IGF1R: variants seen among roughly 807,000 people sequenced by gnomAD.
IGF1R encodes the protein insulin like growth factor 1 receptor.
In IGF1R, 44 loss-of-function variants were observed where a neutral mutation model predicts 144.6. The ratio of observed to expected loss-of-function variants is 0.30; its 90% CI spans 0.24 to 0.39. IGF1R has a LOEUF of 0.39. IGF1R is among the 10% of genes least tolerant of loss of function. The pLI is 1.00. For synonymous variants in IGF1R, 795 were observed against 722.8 expected (o/e 1.10, Z -1.60); for missense variants, 1,355 against 1,833.7 (o/e 0.74, Z 4.77).
intron 1 of IGF1R, among the ~76,000 whole-genome samples, chr15:98,672,546 A>G (rs2052920885): frequency 7.1e-6 from 1 of 140,768 alleles, no homozygotes; most frequent in Admixed American, 7.5e-5. Context: ...CTCCAGCCTG[A>G]GTGACAGAGC....
At chr15:98,812,640 G>C (rs564939619) in intron 2 of IGF1R, among the ~76,000 whole-genome samples, 2 of 152,234 alleles carry the variant, frequency 1.3e-5, no homozygotes, top group East Asian at 3.9e-4. Context: ...TTACAGGCGT[G>C]AACCACCGTG....
intron 3 of IGF1R, among the ~76,000 whole-genome samples, chr15:98,895,550 C>T (rs945957427): frequency 3.9e-5 from 6 of 152,128 alleles, no homozygotes; most frequent in African/African-American, 1.4e-4. Context: ...AGAGGAAGGA[C>T]TCTCCCCATC....
chr15:98,954,858 T>C (rs2016916892), intron 20 of IGF1R, among the ~76,000 whole-genome samples: 1 of 152,204 alleles, frequency 6.6e-6, no homozygotes, highest in African/African-American at 2.4e-5. Context: ...GCTGCCAGCT[T>C]TTATCAATGC....
intron 2 of IGF1R, among the ~76,000 whole-genome samples, chr15:98,827,004 A>C (rs2056906074): frequency 6.6e-6 from 1 of 152,184 alleles, no homozygotes; most frequent in Admixed American, 6.5e-5. Context: ...CCTTAGAAGC[A>C]AGCACAAGGA....
chr15:98,684,845 T>C (rs2053284586), intron 1 of IGF1R, among the ~76,000 whole-genome samples: 1 of 151,992 alleles, frequency 6.6e-6, no homozygotes, highest in South Asian at 2.1e-4. Context: ...TTCGTCTCCC[T>C]GAGCTTCAGA....
At chr15:98,784,233 C>T (rs1047871265) in intron 2 of IGF1R, among the ~76,000 whole-genome samples, 1 of 151,920 alleles carries the variant, frequency 6.6e-6, no homozygotes, top group Non-Finnish European at 1.5e-5. Flanking sequence ...CCGTGCCCGG[C>T]CCCTGAATCC....
chr15:98,660,947 G>A (rs953010695), intron 1 of IGF1R, among the ~76,000 whole-genome samples: 3 of 152,194 alleles, frequency 2.0e-5, no homozygotes, highest in East Asian at 1.9e-4. Flanking sequence ...GTGGCCTGGT[G>A]CAGAGGGCCA....
chr15:98,704,695 C>A lies in IGF1R; in HGVS notation c.95-2867C>A, dbSNP rs138175738. Among the ~76,000 whole-genome samples, 2 of 152,070 alleles carry A rather than the reference C, an allele frequency of 1.3e-5. No individual in the cohort carries two copies. Among genetic ancestry groups the A allele is most frequent in the East Asian group, 3.9e-4 (2 of 5,180 alleles). On this transcript the variant is annotated intron_variant, in intron 1 of 20. Coordinates refer to ENST00000650285, the MANE Select transcript of IGF1R (RefSeq NM_000875.5). This position sits in a 1 kb window ranked among gnomAD's most constrained non-coding sequence, Gnocchi z 4.9. ...TATAATTGTGAACCAACTGGAGCTGCGGTGAGAGAGACCATGAAAAGAAGG... is the reference window on the plus strand; with the variant it reads ...TATAATTGTGAACCAACTGGAGCTGAGGTGAGAGAGACCATGAAAAGAAGG...
chr15:98,746,382 A>G (rs1468143959), intron 2 of IGF1R, among the ~76,000 whole-genome samples: 1 of 152,170 alleles, frequency 6.6e-6, no homozygotes, highest in African/African-American at 2.4e-5. Context: ...AACTCTGTCT[A>G]GGTTGGTCTC....
At position 98,935,147 on chromosome 15, in the gene IGF1R, T is replaced by G; in HGVS notation, c.3186+94T>G. ...GTTCTTGGCTGCATGTACCCGTGGG[T>G]TTGGTGTCTTGCCTTTGCCTTCTGG... On this transcript the variant is annotated intron_variant, in intron 16 of 20. Transcript: ENST00000650285. The surrounding 1 kb of genome is among the most constrained non-coding windows in gnomAD (Gnocchi z 4.2). The G allele has an allele frequency of 8.7e-7, 1 of 1,143,758 alleles. No individual in the cohort carries two copies. Among genetic ancestry groups the G allele is most frequent in the Non-Finnish European group, 1.3e-6 (1 of 767,864 alleles). 70.9% of individuals were successfully genotyped at this position (1,143,758 alleles called of 1,614,324 possible). A position where few individuals can be genotyped will look rare whatever the true frequency, so the allele number is the denominator to read the frequency against.
At position 98,924,031 on chromosome 15, in the gene IGF1R, C is replaced by T. The variant is rs2151693581; in HGVS notation, c.2622+19C>T. On this transcript the variant is annotated intron_variant, in intron 12 of 20. Transcript: ENST00000650285. ...AGTTGAGGTAGGACTGGGGCAGTGG[C>T]CCGTGCCTGCATGTACTTCCATCCA... 6.2e-7 allele frequency: 1 copy of T among 1,611,744 alleles called. No individual in the cohort carries two copies. Among genetic ancestry groups the T allele is most frequent in the East Asian group, 2.2e-5 (1 of 44,862 alleles).
rs889649863 is a variant in IGF1R at position 98,648,549 on chromosome 15, A to G, written c.-1033A>G. Among the ~76,000 whole-genome samples the G allele has an allele frequency of 7.9e-4, 113 of 143,826 alleles. No individual in the cohort carries two copies. Among genetic ancestry groups the G allele is most frequent in the African/African-American group, 2.6e-3 (104 of 39,722 alleles). The allele number at this position is 143,826 out of a possible 152,430, so 94.4% of individuals were successfully genotyped here. Reference sequence around the variant, plus strand: ...CGCGCGCGAGCCCCCAGTGTGTGGCAGCGGCGGCGGCGGCGCGGCGAGGCT... The same window carrying G: ...CGCGCGCGAGCCCCCAGTGTGTGGCGGCGGCGGCGGCGGCGCGGCGAGGCT... On this transcript the variant is annotated 5_prime_UTR_variant, in exon 1 of 21. Coordinates refer to ENST00000650285, the MANE Select transcript of IGF1R (RefSeq NM_000875.5).
At chr15:98,750,246 T>TG (rs967527135) in intron 2 of IGF1R, among the ~76,000 whole-genome samples, 25 of 152,172 alleles carry the variant, frequency 1.6e-4, no homozygotes, top group African/African-American at 3.9e-4. Flanking sequence ...GCTCCCTTGT[T>TG]GGGGGGTCCC....
At chr15:98,840,803 G>A (rs1383629210) in intron 2 of IGF1R, among the ~76,000 whole-genome samples, 3 of 151,744 alleles carry the variant, frequency 2.0e-5, no homozygotes, top group Admixed American at 1.3e-4. Flanking sequence ...AACCTCCCGA[G>A]TAGACTAGCT....
In IGF1R at chr15:98,862,686, G is replaced by T. The variant is rs544617974; in HGVS notation, c.641-28639G>T. ...CATTGGAGGTGGGATTTTTGAGTTTGTCAGTCATTTATTGATTTGCATGTA... is the reference window on the plus strand; with the variant it reads ...CATTGGAGGTGGGATTTTTGAGTTTTTCAGTCATTTATTGATTTGCATGTA... On this transcript the variant is annotated intron_variant, in intron 2 of 20. Coordinates refer to ENST00000650285, the MANE Select transcript of IGF1R (RefSeq NM_000875.5). 2.0e-5 allele frequency among the ~76,000 whole-genome samples: 3 copies of T among 152,302 alleles called. No homozygotes were observed. The East Asian group carries it at 5.8e-4, about 29-fold the overall frequency.
chr15:98,723,030 G>A (rs2054278936), intron 2 of IGF1R, among the ~76,000 whole-genome samples: 1 of 151,804 alleles, frequency 6.6e-6, no homozygotes, highest in Non-Finnish European at 1.5e-5. Context: ...AGGACTTGGG[G>A]TCCCAAGTCT....
chr15:98,861,424 G>A (rs551661666), intron 2 of IGF1R, among the ~76,000 whole-genome samples: 2 of 152,106 alleles, frequency 1.3e-5, no homozygotes, highest in African/African-American at 4.8e-5. Flanking sequence ...TGCATGCAGC[G>A]CTGGTGCTCC....
chr15:98,760,565 T>A (rs748362010), intron 2 of IGF1R, among the ~76,000 whole-genome samples: 4 of 152,236 alleles, frequency 2.6e-5, no homozygotes, highest in African/African-American at 4.8e-5. Flanking sequence ...TGGGTACTTG[T>A]GTGTCTCCAG....
At chr15:98,674,747 TAATCTC>T (rs1163377104) in intron 1 of IGF1R, among the ~76,000 whole-genome samples, 4 of 152,114 alleles carry the variant, frequency 2.6e-5, no homozygotes, top group Non-Finnish European at 5.9e-5. Context: ...AAATTATCCT[TAATCTC>T]AAGGTAACCA....
Sources: allele counts gnomAD v4.1 joint callset (sites outside exome capture counted in the v4.1 genomes callset), GRCh38; gene constraint gnomAD v4.1.1; non-coding constraint Gnocchi (gnomAD v3.1); transcripts MANE v1.5; gene names NCBI Gene and HGNC (gene_info 2026-07-23, HGNC 2026-07-21).